ARPP21: variants seen among roughly 807,000 people sequenced by gnomAD.
ARPP21 encodes the protein cAMP-regulated phosphoprotein 21.
ARPP21 carries 69 observed loss-of-function variants against 113.2 expected under a neutral mutation model. That is an observed-to-expected ratio of 0.61 (90% confidence interval 0.50 to 0.74). The LOEUF (loss-of-function observed/expected upper bound fraction) is 0.74. Among genes scored for constraint, ARPP21 ranks in the 30% least tolerant of loss-of-function variants. The pLI is 0.00. For missense variants in ARPP21, 1,070 were observed against 1,037.4 expected (o/e 1.03, Z -0.43); for synonymous variants, 368 against 375.5 (o/e 0.98, Z 0.23).
At chr3:35,696,740 T>A (rs2084188319) in intron 9 of ARPP21, among the ~76,000 whole-genome samples, 2 of 151,616 alleles carry the variant, frequency 1.3e-5, no homozygotes, top group South Asian at 4.1e-4. Flanking sequence ...TTACTCTACA[T>A]AATGTTACAT....
chr3:35,700,751 A>C lies in ARPP21; in HGVS notation c.687-6223A>C, dbSNP rs577044424. On this transcript the variant is annotated intron_variant, in intron 9 of 20. Transcript: ENST00000684406. ...GTAAATGATCAAATATATTGAACCAAATATCACATTTGTAGATTAACACTA... is the reference window on the plus strand; with the variant it reads ...GTAAATGATCAAATATATTGAACCACATATCACATTTGTAGATTAACACTA... Among the ~76,000 whole-genome samples the C allele has an allele frequency of 2.6e-5, 4 of 151,964 alleles. No individual in the cohort carries two copies. In the East Asian group the frequency reaches 7.8e-4, roughly 30 times the overall value.
chr3:35,737,116 G>GT, intron 15 of ARPP21, 62 bp from the exon 16 acceptor site: 1 of 982,512 alleles, frequency 1.0e-6, no homozygotes, highest in African/African-American at 1.6e-5. Flanking sequence ...TAACAGAGTG[G>GT]TTCTTCATGT....
chr3:35,741,969 C>T (rs181830822), intron 18 of ARPP21, among the ~76,000 whole-genome samples: 1 of 152,238 alleles, frequency 6.6e-6, no homozygotes, highest in South Asian at 2.1e-4. Context: ...TCTAGCACAG[C>T]TTGTGAAGGT....
At chr3:35,729,212 G>A in intron 14 of ARPP21, 91 bp from the exon 15 acceptor site, 2 of 817,772 alleles carry the variant, frequency 2.4e-6, no homozygotes, top group Non-Finnish European at 4.1e-6. Context: ...CTTTAATGAT[G>A]TGTCGCAGAA....
intron 9 of ARPP21, among the ~76,000 whole-genome samples, chr3:35,693,220 C>A (rs1346378480): frequency 6.6e-6 from 1 of 151,614 alleles, no homozygotes; most frequent in Non-Finnish European, 1.5e-5. Flanking sequence ...CATTTAGACA[C>A]CCTTTCGTGA....
intron 1 of ARPP21, among the ~76,000 whole-genome samples, chr3:35,653,714 G>A (rs972389888): frequency 1.3e-5 from 2 of 151,972 alleles, no homozygotes; most frequent in African/African-American, 2.4e-5. Context: ...CATGAGTTAC[G>A]TATAAAATAC....
chr3:35,658,262 G>T lies in ARPP21; in HGVS notation c.-213+17864G>T, dbSNP rs1320314963. The stretch of plus-strand genomic sequence containing the variant: ...ATAATTTTTATGCAGTTTGACTTTG[G>T]GCAGGGAATTTTATCCTTTCTGAAC... On this transcript the variant is annotated intron_variant, in intron 1 of 20. Transcript: ENST00000684406. Among the ~76,000 whole-genome samples, 4 of 151,798 alleles carry T rather than the reference G, an allele frequency of 2.6e-5. No homozygotes were observed. The East Asian group carries it at 7.8e-4, about 29-fold the overall frequency.
rs75566984 is a variant in ARPP21 at position 35,768,456 on chromosome 3, A to G, written c.2138-23926A>G. ...TAAATTCTTTTCTAGAAAACCAATT[A>G]TGTGAGACTATCACTAGTTTATAAT... On this transcript the variant is annotated intron_variant, in intron 19 of 20. Transcript: ENST00000684406. 7.2e-3 allele frequency among the ~76,000 whole-genome samples: 1,092 copies of G among 152,302 alleles called. 19 individuals are homozygous for G. Among genetic ancestry groups the G allele is most frequent in the African/African-American group, 0.025 (1,033 of 41,564 alleles).
intron 1 of ARPP21, among the ~76,000 whole-genome samples, chr3:35,667,586 T>C (rs572394034): frequency 2.6e-5 from 4 of 152,182 alleles, no homozygotes; most frequent in East Asian, 3.9e-4. Context: ...CTCTTGGAAG[T>C]TGGACTCTAT....
intron 19 of ARPP21, among the ~76,000 whole-genome samples, chr3:35,753,709 C>T (rs1022663752): frequency 2.0e-5 from 3 of 151,840 alleles, no homozygotes; most frequent in South Asian, 4.1e-4. Flanking sequence ...TAAATAGTAA[C>T]GTGTTTAGTT....
At chr3:35,768,340 A>C (rs1461152230) in intron 19 of ARPP21, among the ~76,000 whole-genome samples, 1 of 151,786 alleles carries the variant, frequency 6.6e-6, no homozygotes, top group Non-Finnish European at 1.5e-5. Context: ...GGCAAATTCT[A>C]CTCCAAACAG....
intron 1 of ARPP21, among the ~76,000 whole-genome samples, chr3:35,663,461 T>C (rs769418628): frequency 2.6e-5 from 4 of 152,182 alleles, no homozygotes; most frequent in Admixed American, 6.5e-5. Context: ...TTATGGAAAT[T>C]TTTTAAATGT....
At chr3:35,782,930 C>A (rs149759834) in intron 19 of ARPP21, among the ~76,000 whole-genome samples, 1 of 152,138 alleles carries the variant, frequency 6.6e-6, no homozygotes, top group African/African-American at 2.4e-5. Context: ...GCTGATGTAC[C>A]CATCACTAGC....
intron 9 of ARPP21, among the ~76,000 whole-genome samples, chr3:35,696,279 A>C (rs2149748109): frequency 6.6e-6 from 1 of 151,732 alleles, no homozygotes; most frequent in East Asian, 1.9e-4. Flanking sequence ...ATTTGTGTTC[A>C]TTTGGGAAAC....
chr3:35,651,550 T>C (rs887077811), intron 1 of ARPP21, among the ~76,000 whole-genome samples: 1 of 152,090 alleles, frequency 6.6e-6, no homozygotes, highest in Non-Finnish European at 1.5e-5. Context: ...AAGGTGCTCT[T>C]ATCAAGAATA....
chr3:35,757,585 TTTTGTTATG>T (rs1205534645), intron 19 of ARPP21, among the ~76,000 whole-genome samples: 4 of 152,134 alleles, frequency 2.6e-5, no homozygotes, highest in African/African-American at 4.8e-5. Flanking sequence ...AAGTGGTGGT[TTTTGTTATG>T]TTTGTTATGT....
chr3:35,731,707 A>G (rs776996986), intron 15 of ARPP21, among the ~76,000 whole-genome samples: 1 of 151,316 alleles, frequency 6.6e-6, no homozygotes, highest in Non-Finnish European at 1.5e-5. Flanking sequence ...TATGACTTTT[A>G]CTGTTGAAGC....
chr3:35,649,685 A>G (rs955280161), intron 1 of ARPP21, among the ~76,000 whole-genome samples: 1 of 152,112 alleles, frequency 6.6e-6, no homozygotes, highest in Non-Finnish European at 1.5e-5. Context: ...AAGGGAGAAG[A>G]GAATATTAAC....
chr3:35,755,364 C>CTCT (rs1436120620), intron 19 of ARPP21, among the ~76,000 whole-genome samples: 2 of 151,988 alleles, frequency 1.3e-5, no homozygotes, highest in East Asian at 3.9e-4. Context: ...CTATCTTTAA[C>CTCT]TCTTGACTGT....
Sources: gnomAD v4.1 joint callset for allele counts (sites outside exome capture counted in the v4.1 genomes callset) on GRCh38, gnomAD v4.1.1 for gene constraint, MANE v1.5 for transcripts, NCBI Gene and HGNC (gene_info 2026-07-23, HGNC 2026-07-21) for gene names.